Variants in GSE1 observed in about 807,000 individuals in gnomAD.
The protein encoded by GSE1 is Gse1 coiled-coil protein, also known as genetic suppressor element 1.
GSE1 carries 32 observed loss-of-function variants against 112.6 expected under a neutral mutation model. That is an observed-to-expected ratio of 0.28 (90% CI 0.21 to 0.38). The LOEUF is 0.38. Among genes scored for constraint, GSE1 ranks in the 10% least tolerant of loss-of-function variants. The pLI, the probability that GSE1 is intolerant of heterozygous loss-of-function variation, is 1.00. For missense variants in GSE1, 2,348 were observed against 1,699.2 expected, an observed-to-expected ratio of 1.38 and a Z score of -6.71; for synonymous variants, 1,115 against 735.6, an observed-to-expected ratio of 1.52 and a Z score of -8.35.
intron 2 of GSE1, among the ~76,000 whole-genome samples, chr16:85,426,526 G>GTGGGTGGA (rs59499366): frequency 0.98 from 131,124 of 133,862 alleles, 64,249 homozygotes; most frequent in Non-Finnish European, 0.99. Context: ...GGGTGGAAGG[G>GTGGGTGGA]TGGGTGGATG....
chr16:85,563,756 T>C (rs577205791), intron 1 of GSE1, among the ~76,000 whole-genome samples: 268 of 152,302 alleles, frequency 1.8e-3, no homozygotes, highest in African/African-American at 6.2e-3. Context: ...TCACGGAACA[T>C]TGGACTTGGG....
At chr16:85,328,671 C>T (rs1324618292) in intron 1 of GSE1, among the ~76,000 whole-genome samples, 2 of 152,230 alleles carry the variant, frequency 1.3e-5, no homozygotes, top group Admixed American at 6.5e-5. Context: ...GCAGGGTCTG[C>T]AGTGGGGCAG....
At chr16:85,555,021 C>G, upstream of GSE1, 1 of 985,264 alleles carries the variant, frequency 1.0e-6, no homozygotes, top group Non-Finnish European at 1.2e-6. Context: ...GGCGGCCGCG[C>G]GGGGGGAAGC....
At chr16:85,218,822 G>T (rs1020008047) in intron 1 of GSE1, among the ~76,000 whole-genome samples, 1 of 152,190 alleles carries the variant, frequency 6.6e-6, no homozygotes, top group Non-Finnish European at 1.5e-5. Context: ...TTTTTTATAA[G>T]AACCAAATGA....
intron 2 of GSE1, among the ~76,000 whole-genome samples, chr16:85,362,264 C>T (rs2047098436): frequency 1.3e-5 from 2 of 152,248 alleles, no homozygotes; most frequent in Admixed American, 6.5e-5. Context: ...CAATACTCTT[C>T]GGCCTTTAGT....
intron 1 of GSE1, among the ~76,000 whole-genome samples, chr16:85,214,130 G>C (rs1390722727): frequency 6.6e-6 from 1 of 152,212 alleles, no homozygotes; most frequent in Non-Finnish European, 1.5e-5. Context: ...ACGAGTGTCG[G>C]GTTCCGAGAC....
chr16:85,565,182 G>A (rs909699592), intron 1 of GSE1, among the ~76,000 whole-genome samples: 7 of 151,966 alleles, frequency 4.6e-5, no homozygotes, highest in Non-Finnish European at 1.0e-4. Context: ...ACGAGGTCAC[G>A]AGTTCAAGAC....
At chr16:85,651,215 C>T (rs768672526) in intron 3 of GSE1, among the ~76,000 whole-genome samples, 14 of 151,962 alleles carry the variant, frequency 9.2e-5, no homozygotes, top group East Asian at 5.8e-4. Context: ...CTGCCGCTAT[C>T]GGGGTGCCTT....
intron 1 of GSE1, among the ~76,000 whole-genome samples, chr16:85,557,339 C>A (rs1021567262): frequency 6.6e-6 from 1 of 152,026 alleles, no homozygotes; most frequent in African/African-American, 2.4e-5. Context: ...TGATTTTATT[C>A]CTCCCTCCCT....
chr16:85,176,040 G>A (rs945587119), intron 1 of GSE1, among the ~76,000 whole-genome samples: 5 of 151,198 alleles, frequency 3.3e-5, no homozygotes, highest in Admixed American at 6.6e-5. Context: ...CCAGGCTGGC[G>A]TGCAATGGTA....
intron 1 of GSE1, among the ~76,000 whole-genome samples, chr16:85,264,616 C>G (rs1456068341): frequency 6.6e-6 from 1 of 152,190 alleles, no homozygotes; most frequent in South Asian, 2.1e-4. Flanking sequence ...GCTGCTCGGA[C>G]TCTGAGCTCG....
intron 1 of GSE1, among the ~76,000 whole-genome samples, chr16:85,280,715 G>C (rs1261156711): frequency 6.6e-6 from 1 of 152,150 alleles, no homozygotes; most frequent in Non-Finnish European, 1.5e-5. Flanking sequence ...CTTTAATTTG[G>C]GGATTGCCCC....
At chr16:85,180,307 C>G (rs979614325) in intron 1 of GSE1, among the ~76,000 whole-genome samples, 4 of 152,228 alleles carry the variant, frequency 2.6e-5, no homozygotes, top group African/African-American at 9.6e-5. Flanking sequence ...TTCCACTTGG[C>G]GAGAGTGGGC....
intron 2 of GSE1, among the ~76,000 whole-genome samples, chr16:85,524,584 T>C (rs929991880): frequency 2.0e-5 from 3 of 151,484 alleles, no homozygotes; most frequent in Non-Finnish European, 4.4e-5. Flanking sequence ...AGCCGAGGGG[T>C]GCTGAGGCCT....
intron 2 of GSE1, among the ~76,000 whole-genome samples, chr16:85,438,339 G>C (rs1229488762): frequency 6.6e-6 from 1 of 152,222 alleles, no homozygotes; most frequent in Non-Finnish European, 1.5e-5. Flanking sequence ...GCTGGGGAAA[G>C]TGGGGAGTGG....
At chr16:85,414,867 CT>C (rs2048668427) in intron 2 of GSE1, among the ~76,000 whole-genome samples, 1 of 152,188 alleles carries the variant, frequency 6.6e-6, no homozygotes, top group Admixed American at 6.5e-5. Flanking sequence ...AACTCCTGAC[CT>C]CAGGCGATCC....
intron 1 of GSE1, among the ~76,000 whole-genome samples, chr16:85,627,741 A>C (rs1017333206): frequency 2.0e-5 from 3 of 151,826 alleles, no homozygotes; most frequent in Non-Finnish European, 4.4e-5. Flanking sequence ...AGCTGTTAGG[A>C]TAATGAATTT....
chr16:85,196,517 C>T (rs938312394), intron 1 of GSE1, among the ~76,000 whole-genome samples: 2 of 152,086 alleles, frequency 1.3e-5, no homozygotes, highest in Non-Finnish European at 2.9e-5. Context: ...AAAGGGCCCT[C>T]AGTGTGGCTG....
chr16:85,251,533 C>T (rs1371531084), intron 1 of GSE1, among the ~76,000 whole-genome samples: 1 of 152,178 alleles, frequency 6.6e-6, no homozygotes, highest in African/African-American at 2.4e-5. Flanking sequence ...AACCCTGCTC[C>T]GCCTGACCCA....
Sources: gnomAD v4.1 joint callset for allele counts (sites outside exome capture counted in the v4.1 genomes callset) on GRCh38, gnomAD v4.1.1 for gene constraint, MANE v1.5 for transcripts, NCBI Gene and HGNC (gene_info 2026-07-23, HGNC 2026-07-21) for gene names.